The following DDC variants were observed in gnomAD, a reference collection of about 807,000 sequenced individuals.
DDC encodes the protein dopa decarboxylase, also known as aromatic-L-amino-acid decarboxylase.
In DDC, 43 loss-of-function variants were observed where a neutral mutation model predicts 60.0. That is an observed-to-expected ratio of 0.72 (90% confidence interval 0.56 to 0.92). DDC has a LOEUF of 0.92. DDC is among the 40% of genes least tolerant of loss of function. DDC has a pLI of 0.00. For missense variants in DDC, 573 were observed against 620.2 expected, an observed-to-expected ratio of 0.92 and a Z score of 0.81; for synonymous variants, 232 against 234.6, an observed-to-expected ratio of 0.99 and a Z score of 0.10.
intron 14 of DDC, 44 bp downstream of exon 14, chr7:50,463,169 A>C: frequency 6.6e-7 from 1 of 1,506,768 alleles, no homozygotes; most frequent in Non-Finnish European, 9.0e-7. Flanking sequence ...CACTCTTGCC[A>C]CGGGACAAGG....
intron 14 of DDC, among the ~76,000 whole-genome samples, chr7:50,461,105 T>C (rs548612547): frequency 2.0e-5 from 3 of 152,168 alleles, no homozygotes; most frequent in African/African-American, 4.8e-5. Context: ...GAATTGCATG[T>C]ACTTCTTATT....
Position 50,540,124 on chromosome 7 carries a change from A to T in DDC, c.202-96T>A, listed in dbSNP as rs1164752101. 1.9e-5 allele frequency: 17 copies of T among 880,266 alleles called. 2 individuals carry two copies. In the South Asian group the frequency reaches 2.4e-4, roughly 12 times the overall value. 54.5% of individuals were successfully genotyped at this position (880,266 alleles called of 1,614,324 possible). ...TACCCCCATGGCTCCCAGCTGCCAG[A>T]TGCAGCCAGACCCAGAGTTAGGTGA... On this transcript the variant is annotated intron_variant, in intron 2 of 14. Coordinates refer to ENST00000444124, the MANE Select transcript of DDC (RefSeq NM_001082971.2).
rs1029912500 is a variant in DDC, at chr7:50,540,187, C to T, written c.202-159G>A. The T allele has an allele frequency of 7.4e-6, 5 of 678,768 alleles. No homozygotes were observed. The African/African-American group carries it at 8.9e-5, about 12-fold the overall frequency. 42.0% of individuals were successfully genotyped at this position (678,768 alleles called of 1,614,324 possible). On this transcript the variant is annotated intron_variant, in intron 2 of 14. Transcript: ENST00000444124. The stretch of plus-strand genomic sequence containing the variant: ...AAATGTCAGCCATCCCATTACCTTC[C>T]TCCATTATTTCGGAGCATTTACACA...
At chr7:50,534,612 T>TA (rs55868815) in intron 4 of DDC, among the ~76,000 whole-genome samples, 22,260 of 148,594 alleles carry the variant, frequency 0.15, 1,913 homozygotes, top group African/African-American at 0.24. Flanking sequence ...CAAGACAAAA[T>TA]AAAAAAAAAA....
At chr7:50,500,630 T>C (rs2043230931) in intron 7 of DDC, among the ~76,000 whole-genome samples, 7 of 152,170 alleles carry the variant, frequency 4.6e-5, no homozygotes, top group Admixed American at 3.9e-4. Flanking sequence ...GTGAGACTGA[T>C]TCTGGGGGAA....
At chr7:50,513,175 GGGAAA>G (rs1563017533) in intron 6 of DDC, among the ~76,000 whole-genome samples, 2 of 152,302 alleles carry the variant, frequency 1.3e-5, no homozygotes, top group Admixed American at 6.5e-5. Context: ...CTGCAGAAGC[GGGAAA>G]GGGAGACCCT....
intron 1 of DDC, among the ~76,000 whole-genome samples, chr7:50,563,324 G>A (rs527243529): frequency 6.6e-6 from 1 of 152,276 alleles, no homozygotes; most frequent in South Asian, 2.1e-4. Context: ...TGCCACTTAA[G>A]ACACTTAAGA....
At chr7:50,497,235 A>G (rs1394355951) in intron 8 of DDC, among the ~76,000 whole-genome samples, 1 of 152,100 alleles carries the variant, frequency 6.6e-6, no homozygotes, top group East Asian at 1.9e-4. Context: ...GTCGGGAGCA[A>G]TAATGCAAGA....
chr7:50,480,628 A>G (rs543076614), intron 9 of DDC, among the ~76,000 whole-genome samples: 1 of 152,288 alleles, frequency 6.6e-6, no homozygotes, highest in African/African-American at 2.4e-5. Flanking sequence ...CTAGGTAGTT[A>G]CAGTCAGAAT....
chr7:50,475,467 T>C (rs2042621124), intron 11 of DDC, among the ~76,000 whole-genome samples: 1 of 152,034 alleles, frequency 6.6e-6, no homozygotes, highest in Non-Finnish European at 1.5e-5. Context: ...AGGACCAGCC[T>C]TGATGGCTTG....
At chr7:50,564,185 T>C (rs888624358) in intron 1 of DDC, 3 of 152,192 alleles carry the variant, frequency 2.0e-5, no homozygotes, top group African/African-American at 7.2e-5. Flanking sequence ...ACATATCCAC[T>C]TTGCCAGGAC....
Position 50,537,859 on chromosome 7 carries a change from C to T in DDC, c.435+1G>A. ...AGTGGCCCTCACAGCTCCCACCTTA[C>T]CTGGATCACTCCTCCCCCTTCTCCA... On this transcript the variant is annotated splice_donor_variant, in intron 4 of 14. Coordinates refer to ENST00000444124, the MANE Select transcript of DDC (RefSeq NM_001082971.2). LOFTEE classifies it high-confidence loss of function. 6.2e-7 allele frequency: 1 copy of T among 1,614,070 alleles called. No individual in the cohort carries two copies. The highest frequency in any genetic ancestry group is 2.2e-5 in the East Asian group (1 of 44,892).
intron 1 of DDC, among the ~76,000 whole-genome samples, chr7:50,547,903 C>A (rs1405909075): frequency 6.6e-6 from 1 of 152,180 alleles, no homozygotes; most frequent in African/African-American, 2.4e-5. Flanking sequence ...TTGTGACAAC[C>A]CTGAATCCAG....
chr7:50,496,114 A>G lies in DDC; in HGVS notation c.877-697T>C, dbSNP rs2043122103. Reference sequence around the variant, plus strand: ...CTCTCTCTTTTTTTTTTTTTGAGCGACAGGGTCTTACTTTGTTGCCCAGGC... The same window carrying G: ...CTCTCTCTTTTTTTTTTTTTGAGCGGCAGGGTCTTACTTTGTTGCCCAGGC... On this transcript the variant is annotated intron_variant, in intron 8 of 14. Coordinates refer to ENST00000444124, the MANE Select transcript of DDC (RefSeq NM_001082971.2). Among the ~76,000 whole-genome samples, 2 of 149,904 alleles carry G rather than the reference A, an allele frequency of 1.3e-5. 1 individual carries two copies. Among genetic ancestry groups the G allele is most frequent in the South Asian group, 4.2e-4 (2 of 4,770 alleles).
At chr7:50,526,385 T>A (rs1318664869) in intron 6 of DDC, among the ~76,000 whole-genome samples, 1 of 152,134 alleles carries the variant, frequency 6.6e-6, no homozygotes, top group Non-Finnish European at 1.5e-5. Context: ...AAAGACACTT[T>A]CAGATTAACA....
chr7:50,538,105 T>C (rs958733553), intron 3 of DDC, 126 bp from the exon 4 acceptor site: 4 of 1,186,964 alleles, frequency 3.4e-6, no homozygotes, highest in Non-Finnish European at 4.9e-6. Flanking sequence ...TCAGATGTGA[T>C]TCAAAGGCCT....
At chr7:50,459,182 C>A (rs901559386) in intron 14 of DDC, among the ~76,000 whole-genome samples, 1 of 152,268 alleles carries the variant, frequency 6.6e-6, no homozygotes, top group African/African-American at 2.4e-5. Flanking sequence ...TGGTCTCCAG[C>A]TCCAAACTGC....
intron 6 of DDC, among the ~76,000 whole-genome samples, chr7:50,514,422 T>C (rs2043671094): frequency 6.6e-6 from 1 of 152,166 alleles, no homozygotes; most frequent in Admixed American, 6.6e-5. Context: ...CACATGGCTT[T>C]TCAACACCCC....
intron 13 of DDC, among the ~76,000 whole-genome samples, chr7:50,464,988 A>C (rs2042363314): frequency 6.6e-6 from 1 of 152,242 alleles, no homozygotes; most frequent in Non-Finnish European, 1.5e-5. Context: ...GTTTTACAAA[A>C]GGAAACATTT....
Sources: gnomAD v4.1 joint callset for allele counts (sites outside exome capture counted in the v4.1 genomes callset) on GRCh38, gnomAD v4.1.1 for gene constraint, MANE v1.5 for transcripts, NCBI Gene and HGNC (gene_info 2026-07-23, HGNC 2026-07-21) for gene names.